Variants in ANO3 observed in about 807,000 individuals in gnomAD.
ANO3 encodes the protein anoctamin-3.
A neutral mutation model predicts 144.8 loss-of-function variants in ANO3; 99 were observed. The observed-to-expected ratio is 0.68, with a 90% confidence interval of 0.58 to 0.81. The LOEUF is 0.81. ANO3 is among the 30% of genes least tolerant of loss of function. ANO3 has a pLI of 0.00. For missense variants in ANO3, 905 were observed against 1,202.2 expected, an observed-to-expected ratio of 0.75 and a Z score of 3.66; for synonymous variants, 414 against 392.6, an observed-to-expected ratio of 1.05 and a Z score of -0.64.
intron 14 of ANO3, among the ~76,000 whole-genome samples, chr11:26,589,413 CT>C (rs11423756): frequency 3.6e-3 from 501 of 137,446 alleles, no homozygotes; most frequent in Admixed American, 4.3e-3. Flanking sequence ...CCCCAATTTT[CT>C]TTTTTTTTTT....
At chr11:26,243,237 G>T (rs892392088) in intron 1 of ANO3, among the ~76,000 whole-genome samples, 4 of 152,058 alleles carry the variant, frequency 2.6e-5, no homozygotes, top group Non-Finnish European at 5.9e-5. Context: ...GCCAGGCTGG[G>T]TATAATCAAT....
intron 17 of ANO3, among the ~76,000 whole-genome samples, chr11:26,620,654 T>C (rs1236743180): frequency 6.6e-6 from 1 of 152,188 alleles, no homozygotes. Flanking sequence ...ATGTAAGTAC[T>C]CCATGTAGGT....
At chr11:26,599,799 AT>A (rs1851740641) in intron 17 of ANO3, 85 bp downstream of exon 17, 1 of 1,259,854 alleles carries the variant, frequency 7.9e-7, no homozygotes, top group Non-Finnish European at 1.1e-6. Context: ...TTTGAAATGT[AT>A]TTACATGGAG....
intron 4 of ANO3, among the ~76,000 whole-genome samples, chr11:26,497,760 A>G (rs1861025454): frequency 1.3e-5 from 2 of 152,086 alleles, no homozygotes; most frequent in Non-Finnish European, 2.9e-5. Flanking sequence ...CATTGAAATC[A>G]TGTTCATGAT....
At chr11:26,385,093 A>G (rs1856688144) in intron 1 of ANO3, among the ~76,000 whole-genome samples, 2 of 152,192 alleles carry the variant, frequency 1.3e-5, no homozygotes, top group African/African-American at 4.8e-5. Flanking sequence ...GTAAAGTTAT[A>G]TAACATTTGA....
chr11:26,632,204 A>AG (rs1852805611), intron 18 of ANO3, among the ~76,000 whole-genome samples: 1 of 150,554 alleles, frequency 6.6e-6, no homozygotes, highest in African/African-American at 2.4e-5. Context: ...GAAAAAAAAA[A>AG]AAAGATACAC....
intron 4 of ANO3, among the ~76,000 whole-genome samples, chr11:26,479,425 T>A (rs1413825040): frequency 6.6e-6 from 1 of 151,830 alleles, no homozygotes; most frequent in Non-Finnish European, 1.5e-5. Context: ...AGGAAAGAGG[T>A]TTAATGGACT....
chr11:26,502,553 A>G (rs1392006899), intron 4 of ANO3, among the ~76,000 whole-genome samples: 1 of 152,138 alleles, frequency 6.6e-6, no homozygotes. Context: ...ATCTAATTTT[A>G]TATGTGCTGG....
intron 9 of ANO3, among the ~76,000 whole-genome samples, 166 bp downstream of exon 9, chr11:26,534,728 A>G (rs1849461316): frequency 6.6e-6 from 1 of 152,194 alleles, no homozygotes; most frequent in Non-Finnish European, 1.5e-5. Context: ...TTTTAATAAA[A>G]CAAAAAAAAC....
intron 19 of ANO3, 44 bp from the exon 20 acceptor site, chr11:26,634,969 T>C (rs751089744): frequency 2.0e-6 from 3 of 1,525,696 alleles, no homozygotes; most frequent in East Asian, 4.5e-5. Context: ...TGTTCTTCAG[T>C]GAACCCCACT....
chr11:26,387,848 C>T (rs1032282728), intron 1 of ANO3, among the ~76,000 whole-genome samples: 1 of 152,090 alleles, frequency 6.6e-6, no homozygotes, highest in Non-Finnish European at 1.5e-5. Flanking sequence ...CCACTCCCAC[C>T]TCAGCCCCTC....
intron 1 of ANO3, among the ~76,000 whole-genome samples, chr11:26,421,523 C>A (rs1857751299): frequency 6.6e-6 from 1 of 152,028 alleles, no homozygotes; most frequent in African/African-American, 2.4e-5. Flanking sequence ...GCCCCACAGG[C>A]AGACAAATAT....
intron 5 of ANO3, among the ~76,000 whole-genome samples, chr11:26,511,369 A>T (rs934345181): frequency 6.6e-6 from 1 of 152,174 alleles, no homozygotes; most frequent in African/African-American, 2.4e-5. Flanking sequence ...ACCTCTGTAA[A>T]AACTCTGCCT....
At chr11:26,283,467 G>A (rs1405305139) in intron 1 of ANO3, among the ~76,000 whole-genome samples, 2 of 150,424 alleles carry the variant, frequency 1.3e-5, no homozygotes, top group Admixed American at 6.7e-5. Flanking sequence ...AGCCTGAGAA[G>A]ACAAACCACA....
At chr11:26,429,491 T>A (rs34125958) in intron 1 of ANO3, among the ~76,000 whole-genome samples, 6 of 145,922 alleles carry the variant, frequency 4.1e-5, no homozygotes, top group Non-Finnish European at 9.0e-5. Flanking sequence ...ATGTAGAGAA[T>A]GAAGTAAATA....
chr11:26,502,439 T>A (rs189052350), intron 4 of ANO3, among the ~76,000 whole-genome samples: 22 of 152,296 alleles, frequency 1.4e-4, no homozygotes, highest in Admixed American at 1.1e-3. Flanking sequence ...CAAGTATGTC[T>A]GAATACAGTT....
intron 14 of ANO3, among the ~76,000 whole-genome samples, chr11:26,577,469 A>G (rs1253568228): frequency 1.3e-5 from 2 of 151,860 alleles, no homozygotes; most frequent in African/African-American, 2.4e-5. Context: ...AGGCTGAGGC[A>G]GGAGAATGGC....
chr11:26,599,757 T>C (rs747456250), intron 17 of ANO3, 43 bp downstream of exon 17: 3 of 1,565,236 alleles, frequency 1.9e-6, no homozygotes, highest in Non-Finnish European at 2.6e-6. Flanking sequence ...AAAAAAGGGG[T>C]GGAAAGGGGA....
In ANO3 at chr11:26,274,145, C is replaced by G. The variant is rs1025196153; in HGVS notation, c.155-35500C>G. Among the ~76,000 whole-genome samples the G allele has an allele frequency of 5.3e-5, 8 of 152,186 alleles. No individual in the cohort carries two copies. The South Asian group carries it at 1.7e-3, about 32-fold the overall frequency. The stretch of plus-strand genomic sequence containing the variant: ...GCCCTGTTTAAGTTCTTTGGTCAAA[C>G]TTGACGTCAACAGATCTGAGGTGTG... On this transcript the variant is annotated intron_variant, in intron 1 of 27. Transcript: ENST00000672621.
Sources: allele counts gnomAD v4.1 joint callset (sites outside exome capture counted in the v4.1 genomes callset), GRCh38; gene constraint gnomAD v4.1.1; transcripts MANE v1.5; gene names NCBI Gene and HGNC (gene_info 2026-07-23, HGNC 2026-07-21).